Variants in MAPK10 observed in about 807,000 individuals in gnomAD.
MAPK10 encodes the protein JNK3 alpha protein kinase.
Under a neutral mutation model 59.3 loss-of-function variants are expected in MAPK10, and 25 were observed. That is an observed-to-expected ratio of 0.42 (90% CI 0.31 to 0.59). The LOEUF is 0.59. Ranked by LOEUF, MAPK10 falls within the 20% of genes least tolerant of loss-of-function variation. The pLI is 0.15. For synonymous variants in MAPK10, 190 were observed against 200.5 expected (o/e 0.95, Z 0.44); for missense variants, 351 against 568.9 (o/e 0.62, Z 3.90).
At chr4:86,396,059 T>C (rs1364812662) in intron 1 of MAPK10, among the ~76,000 whole-genome samples, 4 of 152,142 alleles carry the variant, frequency 2.6e-5, no homozygotes, top group Admixed American at 2.0e-4. Context: ...GAAAGTAGTG[T>C]TTCCGGCCGG....
At chr4:86,275,143 T>A (rs2094536942) in intron 2 of MAPK10, among the ~76,000 whole-genome samples, 1 of 152,050 alleles carries the variant, frequency 6.6e-6, no homozygotes, top group Non-Finnish European at 1.5e-5. Context: ...ATTCACAGGA[T>A]AAATATGCAA....
chr4:86,501,949 G>A (rs2149079691), intron 1 of MAPK10, among the ~76,000 whole-genome samples: 2 of 152,150 alleles, frequency 1.3e-5, no homozygotes, highest in East Asian at 3.9e-4. Flanking sequence ...ATTCTCCTGA[G>A]TTGAAAGTAA....
chr4:86,479,474 C>CAAAA (rs35632643), intron 1 of MAPK10, among the ~76,000 whole-genome samples: 3 of 138,484 alleles, frequency 2.2e-5, no homozygotes, highest in Non-Finnish European at 3.1e-5. Context: ...CACCCCCCAC[C>CAAAA]AAAAAAAAAA....
intron 1 of MAPK10, among the ~76,000 whole-genome samples, chr4:86,423,283 AG>A (rs887722865): frequency 3.9e-5 from 6 of 152,228 alleles, no homozygotes; most frequent in African/African-American, 1.4e-4. Context: ...TAATTTAAAT[AG>A]CCAAATTCCA....
chr4:86,408,061 C>A (rs1341359058), intron 1 of MAPK10, among the ~76,000 whole-genome samples: 1 of 147,080 alleles, frequency 6.8e-6, no homozygotes, highest in East Asian at 2.0e-4. Flanking sequence ...CAGCCCCCCA[C>A]CCCCCGACAA....
intron 1 of MAPK10, among the ~76,000 whole-genome samples, chr4:86,424,225 CAG>C (rs1746963828): frequency 1.3e-5 from 2 of 151,794 alleles, no homozygotes; most frequent in South Asian, 4.2e-4. Flanking sequence ...TATTTTGAGA[CAG>C]AGTCTCGCTC....
intron 2 of MAPK10, among the ~76,000 whole-genome samples, chr4:86,328,158 A>C (rs2096070536): frequency 6.6e-6 from 1 of 152,126 alleles, no homozygotes. Flanking sequence ...ATTTACAAGA[A>C]AGAAACAAAC....
At chr4:86,021,738 C>A (rs546859954) in intron 13 of MAPK10, among the ~76,000 whole-genome samples, 1 of 152,254 alleles carries the variant, frequency 6.6e-6, no homozygotes, top group Non-Finnish European at 1.5e-5. Context: ...GCTGCAGGTC[C>A]TGAGCCTTGC....
intron 9 of MAPK10, among the ~76,000 whole-genome samples, chr4:86,074,380 T>C (rs548914695): frequency 0.024 from 3,694 of 150,854 alleles, 159 homozygotes; most frequent in African/African-American, 0.086. Context: ...ATTGGAGCAT[T>C]TAGTCCATTT....
chr4:86,278,634 CTAAAAA>C (rs2094676904), intron 2 of MAPK10, among the ~76,000 whole-genome samples: 1 of 151,998 alleles, frequency 6.6e-6, no homozygotes, highest in Admixed American at 6.6e-5. Context: ...TTTTTAAAAA[CTAAAAA>C]TAAATTACTA....
chr4:86,037,036 C>G (rs2040449893), intron 11 of MAPK10, among the ~76,000 whole-genome samples: 1 of 152,180 alleles, frequency 6.6e-6, no homozygotes, highest in Non-Finnish European at 1.5e-5. Flanking sequence ...TCCATTTTCT[C>G]TATTTTTAGA....
intron 2 of MAPK10, among the ~76,000 whole-genome samples, chr4:86,256,845 A>G (rs993611974): frequency 1.4e-4 from 20 of 142,432 alleles, no homozygotes; most frequent in Non-Finnish European, 2.8e-4. Context: ...GGTTCACGCC[A>G]TTCTCCTGCT....
intron 2 of MAPK10, among the ~76,000 whole-genome samples, chr4:86,208,093 C>A (rs188215774): frequency 0.085 from 12,887 of 152,008 alleles, 1,206 homozygotes; most frequent in African/African-American, 0.23. Flanking sequence ...TTGTGGCAAT[C>A]ATCAATAGCT....
intron 1 of MAPK10, among the ~76,000 whole-genome samples, chr4:86,485,494 G>A (rs1182605718): frequency 6.6e-6 from 1 of 152,186 alleles, no homozygotes; most frequent in Admixed American, 6.5e-5. Context: ...ATTTGGATAA[G>A]TAAATTAATG....
chr4:86,338,478 A>C (rs915877385), intron 2 of MAPK10, among the ~76,000 whole-genome samples: 3 of 152,194 alleles, frequency 2.0e-5, no homozygotes, highest in African/African-American at 7.2e-5. Flanking sequence ...TTGGAATCTC[A>C]ACTGGCTCCA....
At chr4:86,318,947 C>A (rs2095840683) in intron 2 of MAPK10, among the ~76,000 whole-genome samples, 2 of 152,094 alleles carry the variant, frequency 1.3e-5, no homozygotes, top group South Asian at 4.1e-4. Flanking sequence ...AAAGTCCCTT[C>A]CAACTCTAAG....
intron 1 of MAPK10, among the ~76,000 whole-genome samples, chr4:86,458,965 G>A (rs1461821600): frequency 6.6e-6 from 1 of 152,152 alleles, no homozygotes; most frequent in Non-Finnish European, 1.5e-5. Context: ...AGTCAGCAGA[G>A]TGAATAGACA....
chr4:86,276,833 G>A (rs184458711), intron 2 of MAPK10, among the ~76,000 whole-genome samples: 4 of 152,144 alleles, frequency 2.6e-5, no homozygotes, highest in African/African-American at 9.7e-5. Context: ...AGCCCAGAAA[G>A]GCTAATAAAC....
chr4:86,263,409 T>C (rs1252952508), intron 2 of MAPK10, among the ~76,000 whole-genome samples: 1 of 152,198 alleles, frequency 6.6e-6, no homozygotes, highest in East Asian at 1.9e-4. Context: ...CTCCTGTTTC[T>C]CCTAGAAGTA....
Sources: allele counts gnomAD v4.1 joint callset (sites outside exome capture counted in the v4.1 genomes callset), GRCh38; gene constraint gnomAD v4.1.1; transcripts MANE v1.5; gene names NCBI Gene and HGNC (gene_info 2026-07-23, HGNC 2026-07-21).